The following MYH14 variants were observed in gnomAD, a reference collection of about 807,000 sequenced individuals.
MYH14 encodes myosin-14.
In MYH14, 123 loss-of-function variants were observed where a neutral mutation model predicts 255.5. That is an observed-to-expected ratio of 0.48 (90% CI 0.42 to 0.56). The LOEUF (loss-of-function observed/expected upper bound fraction) is 0.56. Among genes scored for constraint, MYH14 ranks in the 20% least tolerant of loss-of-function variants. The probability of loss-of-function intolerance (pLI) is 0.00; values close to 1 mark genes in which losing one functional copy is unlikely to be tolerated. For synonymous variants in MYH14, 1,095 were observed against 1,161.2 expected (o/e 0.94, Z 1.16); for missense variants, 2,423 against 2,802.3 (o/e 0.86, Z 3.06).
At chr19:50,272,482 G>A in intron 26 of MYH14, 78 bp from the exon 27 acceptor site, 1 of 1,453,738 alleles carries the variant, frequency 6.9e-7, no homozygotes, top group Non-Finnish European at 9.4e-7. Flanking sequence ...TATGTGACTG[G>A]GGACCTGTGG....
intron 3 of MYH14, among the ~76,000 whole-genome samples, chr19:50,220,695 G>C (rs1373253696): frequency 1.3e-5 from 2 of 151,948 alleles, no homozygotes; most frequent in Non-Finnish European, 2.9e-5. Flanking sequence ...TGGGACTACA[G>C]GCACATGCCA....
chr19:50,263,343 G>A lies in MYH14; in HGVS notation c.2617G>A (p.Ala873Thr), dbSNP rs376582564. The change falls in exon 22 of 43, where the codon GCC becomes ACC. Residue 873 changes from alanine to threonine, a missense_variant. Physicochemically the swap from Ala to Thr is moderately conservative, Grantham distance 58. Around this residue, in one of 3 missense-constraint regions of MYH14, gnomAD observed 1,513 missense variants for 1,674.8 expected, o/e 0.90. Coordinates refer to ENST00000642316, the MANE Select transcript of MYH14 (RefSeq NM_001145809.2). ...CCAGAAGCGCCAGCAGCAGCAGAGC[G>A]CCCTGAGGGTGATGCAGCGGAACTG... is the stretch of plus-strand genomic sequence containing the variant. ...AFQKRQQQQS[A>T]LRVMQRNCAA... 18 of 1,585,462 alleles carry A rather than the reference G, an allele frequency of 1.1e-5. No homozygotes were observed. Among genetic ancestry groups the A allele is most frequent in the Non-Finnish European group, 1.4e-5 (16 of 1,165,982 alleles).
Position 50,225,691 on chromosome 19 carries a change from G to T in MYH14, c.810+14G>T, listed in dbSNP as rs769625585. 1.9e-6 allele frequency: 3 copies of T among 1,602,486 alleles called. No homozygotes were observed. Among genetic ancestry groups the T allele is most frequent in the Non-Finnish European group, 2.6e-6 (3 of 1,170,376 alleles). The stretch of plus-strand genomic sequence containing the variant: ...TCCTCCCGATTCGTGAGTGCCAGGG[G>T]TGGGCAGTGCTGGCTGTGTCAGGGA... On this transcript the variant is annotated intron_variant, in intron 7 of 42. Coordinates refer to ENST00000642316, the MANE Select transcript of MYH14 (RefSeq NM_001145809.2).
At chr19:50,248,448 C>T (rs570035517) in intron 12 of MYH14, among the ~76,000 whole-genome samples, 1 of 152,270 alleles carries the variant, frequency 6.6e-6, no homozygotes, top group East Asian at 1.9e-4. Flanking sequence ...GGGAGGGTTT[C>T]AGAATCCAGC....
At chr19:50,278,527 C>T (rs1294497766) in intron 30 of MYH14, among the ~76,000 whole-genome samples, 2 of 149,464 alleles carry the variant, frequency 1.3e-5, no homozygotes, top group African/African-American at 4.9e-5. Context: ...ATAGTGAGAC[C>T]CCATCTTCAG....
intron 25 of MYH14, 149 bp downstream of exon 25, chr19:50,271,695 G>A: frequency 6.9e-7 from 1 of 1,452,850 alleles, no homozygotes; most frequent in South Asian, 1.3e-5. Flanking sequence ...CCAAGGGAAT[G>A]GGAAGGAGAG....
rs1407766360 is a variant in MYH14 at position 50,266,780 on chromosome 19, A to G, written c.2695-97A>G. Reference sequence around the variant, plus strand: ...GCGGGGACACACAGCTAATAGGTGGAGGAGAAGGGATTTGAACCCAGAAAC... The same window carrying G: ...GCGGGGACACACAGCTAATAGGTGGGGGAGAAGGGATTTGAACCCAGAAAC... On this transcript the variant is annotated intron_variant, in intron 22 of 42. Transcript: ENST00000642316. This position sits in a 1 kb window ranked among gnomAD's most constrained non-coding sequence, Gnocchi z 4.1. 5.4e-6 allele frequency: 8 copies of G among 1,483,220 alleles called. No homozygotes were observed. Among genetic ancestry groups the G allele is most frequent in the Non-Finnish European group, 6.4e-6 (7 of 1,090,306 alleles). The allele number at this position is 1,483,220 out of a possible 1,614,324, so 91.9% of individuals were successfully genotyped here. A position where few individuals can be genotyped will look rare whatever the true frequency, so the allele number is the denominator to read the frequency against.
In MYH14 at chr19:50,266,758, G is replaced by T; in HGVS notation, c.2695-119G>T. ...GTGACCAGGGACTGTTGCCAAGGCG[G>T]GGACACACAGCTAATAGGTGGAGGA... On this transcript the variant is annotated intron_variant, in intron 22 of 42. Transcript: ENST00000642316. This position sits in a 1 kb window ranked among gnomAD's most constrained non-coding sequence, Gnocchi z 4.1. 1 of 1,351,710 alleles carries T rather than the reference G, an allele frequency of 7.4e-7. No homozygotes were observed. 83.7% of individuals were successfully genotyped at this position (1,351,710 alleles called of 1,614,324 possible).
rs1601005284 is a variant in MYH14 at position 50,276,885 on chromosome 19, T to G, written c.3809T>G (p.Leu1270Arg). Reference sequence around the variant, plus strand: ...GCCCTGGGGGAGCTGGCGGAGCAGCTGGAGCAGGCCCGGAGGGTGGGTTGG... The same window carrying G: ...GCCCTGGGGGAGCTGGCGGAGCAGCGGGAGCAGGCCCGGAGGGTGGGTTGG... ...GQALGELAEQ[L>R]EQARRGKGAW... Residue 1270 changes from leucine to arginine, a missense_variant, in exon 29 of 43, where the codon CTG (leucine) becomes CGG (arginine). Physicochemically the swap from Leu to Arg is moderately radical, Grantham distance 102. This residue lies in a region of MYH14 where 1,513 missense variants were observed against 1,674.8 expected (regional missense o/e 0.90). Transcript: ENST00000642316. This position sits in a 1 kb window ranked among gnomAD's most constrained non-coding sequence, Gnocchi z 4.3. 1 of 1,356,746 alleles carries G rather than the reference T, an allele frequency of 7.4e-7. No individual in the cohort carries two copies. Among genetic ancestry groups the G allele is most frequent in the South Asian group, 1.2e-5 (1 of 82,666 alleles). The allele number at this position is 1,356,746 out of a possible 1,614,324, so 84.0% of individuals were successfully genotyped here.
chr19:50,231,240 C>T (rs1432236545), intron 9 of MYH14, among the ~76,000 whole-genome samples: 6 of 152,268 alleles, frequency 3.9e-5, no homozygotes, highest in East Asian at 1.9e-4. Flanking sequence ...AGCCCCTCCT[C>T]ATCCAGGTTC....
chr19:50,262,660 G>T (rs1320830774), intron 21 of MYH14, among the ~76,000 whole-genome samples: 1 of 152,014 alleles, frequency 6.6e-6, no homozygotes, highest in Non-Finnish European at 1.5e-5. Context: ...GGGAGGGGTG[G>T]GTCAGCTCTG....
intron 33 of MYH14, among the ~76,000 whole-genome samples, chr19:50,284,177 T>C (rs2035815684): frequency 6.6e-6 from 1 of 152,252 alleles, no homozygotes; most frequent in South Asian, 2.1e-4. Flanking sequence ...GCAAATATTT[T>C]TGTCCAGTCT....
At chr19:50,212,037 T>C (rs2032223788) in intron 2 of MYH14, among the ~76,000 whole-genome samples, 1 of 152,102 alleles carries the variant, frequency 6.6e-6, no homozygotes, top group South Asian at 2.1e-4. Flanking sequence ...TTGATGATAC[T>C]TAGGTTGACT....
In MYH14 at chr19:50,267,577, C is replaced by T. The variant is rs933372675; in HGVS notation, c.2826+569C>T. On this transcript the variant is annotated intron_variant, in intron 23 of 42. Transcript: ENST00000642316. ...TGGAGGTTGCAGTGAGCCGAGATGG[C>T]GCCACCGCACTCCAGCCTGGTCGGC... is the stretch of plus-strand genomic sequence containing the variant. Among the ~76,000 whole-genome samples, 13 of 150,670 alleles carry T rather than the reference C, an allele frequency of 8.6e-5. No individual in the cohort carries two copies. In the East Asian group the frequency reaches 1.2e-3, roughly 14 times the overall value.
chr19:50,262,336 T>C (rs1375478041), intron 21 of MYH14, among the ~76,000 whole-genome samples: 1 of 151,906 alleles, frequency 6.6e-6, no homozygotes, highest in Non-Finnish European at 1.5e-5. Flanking sequence ...GGCGGGCGGA[T>C]CACTTGAGGT....
Position 50,301,988 on chromosome 19 carries a change from T to C in MYH14, c.5678+119T>C, listed in dbSNP as rs2036497832. 3 of 833,332 alleles carry C rather than the reference T, an allele frequency of 3.6e-6. No individual in the cohort carries two copies. In the African/African-American group the frequency reaches 5.0e-5, roughly 14 times the overall value. The allele number at this position is 833,332 out of a possible 1,614,324, so 51.6% of individuals were successfully genotyped here. On this transcript the variant is annotated intron_variant, in intron 40 of 42. Coordinates refer to ENST00000642316, the MANE Select transcript of MYH14 (RefSeq NM_001145809.2). The stretch of plus-strand genomic sequence containing the variant: ...CATCCAAAAGACATCATCATAGTAA[T>C]GACTGCTGGCCTGGCATGGTGGCTC...
In MYH14 at chr19:50,230,658, G is replaced by A. The variant is rs1285322775; in HGVS notation, c.973+35G>A. ...GCCCCGTCCTACCCTGCTCACCCGG[G>A]AGAGGGTGGGCACCATGTCTCTCGG... On this transcript the variant is annotated intron_variant, in intron 9 of 42. Transcript: ENST00000642316. The surrounding 1 kb of genome is among the most constrained non-coding windows in gnomAD (Gnocchi z 4.7). 1.3e-6 allele frequency: 2 copies of A among 1,526,662 alleles called. No individual in the cohort carries two copies. The highest frequency in any genetic ancestry group is 1.4e-5 in the African/African-American group (1 of 72,576). 94.6% of individuals were successfully genotyped at this position (1,526,662 alleles called of 1,614,324 possible).
At chr19:50,292,173 G>A in intron 36 of MYH14, 88 bp from the exon 37 acceptor site, 1 of 1,351,838 alleles carries the variant, frequency 7.4e-7, no homozygotes. Flanking sequence ...CGGGAGCTGA[G>A]GAGCCCCGTC....
At chr19:50,292,586 A>G (rs2036121468) in intron 37 of MYH14, among the ~76,000 whole-genome samples, 197 bp downstream of exon 37, 1 of 151,498 alleles carries the variant, frequency 6.6e-6, no homozygotes, top group Non-Finnish European at 1.5e-5. Flanking sequence ...GGCTAACCAC[A>G]GGGTCCCAGG....
Sources: gnomAD v4.1 joint callset for allele counts (sites outside exome capture counted in the v4.1 genomes callset) on GRCh38, gnomAD v4.1.1 for gene constraint, gnomAD v4.1.1 regional missense constraint, Gnocchi (gnomAD v3.1) non-coding constraint, MANE v1.5 for transcripts, NCBI Gene and HGNC (gene_info 2026-07-23, HGNC 2026-07-21) for gene names.